Variants in PTPRD observed in about 807,000 individuals in gnomAD.
The protein encoded by PTPRD is receptor-type tyrosine-protein phosphatase delta.
PTPRD carries 34 observed loss-of-function variants against 214.5 expected under a neutral mutation model. The ratio of observed to expected loss-of-function variants is 0.16; its 90% confidence interval spans 0.12 to 0.21. PTPRD has a LOEUF of 0.21. Among genes scored for constraint, PTPRD ranks in the 10% least tolerant of loss-of-function variants. The pLI is 1.00. For synonymous variants in PTPRD, 1,128 were observed against 845.7 expected, an observed-to-expected ratio of 1.33 and a Z score of -5.79; for missense variants, 2,545 against 2,398.7, an observed-to-expected ratio of 1.06 and a Z score of -1.27.
intron 5 of PTPRD, among the ~76,000 whole-genome samples, chr9:9,896,906 T>C (rs1039142654): frequency 2.6e-5 from 4 of 152,022 alleles, no homozygotes; most frequent in African/African-American, 7.2e-5. Context: ...ATAATAAAAA[T>C]TGATGAGTGA....
chr9:9,903,345 A>C (rs1036331646), intron 5 of PTPRD, among the ~76,000 whole-genome samples: 3 of 152,154 alleles, frequency 2.0e-5, no homozygotes, highest in Admixed American at 6.6e-5. Flanking sequence ...TAGCACTCTA[A>C]CAAAAATTGT....
intron 3 of PTPRD, among the ~76,000 whole-genome samples, chr9:10,301,103 G>A (rs1187198940): frequency 6.6e-6 from 1 of 152,140 alleles, no homozygotes. Context: ...TGCAGTCTCT[G>A]CTGGTGATAC....
chr9:9,701,806 A>T (rs527275123), intron 7 of PTPRD, among the ~76,000 whole-genome samples: 1 of 152,250 alleles, frequency 6.6e-6, no homozygotes, highest in East Asian at 1.9e-4. Flanking sequence ...TTTCTATATA[A>T]ACTGATAAGC....
rs80306815 is a variant in PTPRD at position 9,672,107 on chromosome 9, C to G, written c.-287+62426G>C. On this transcript the variant is annotated intron_variant, in intron 7 of 45. Coordinates refer to ENST00000381196, the MANE Select transcript of PTPRD (RefSeq NM_002839.4). ...ATTGAACTAATCACTATAGTAGGGG[C>G]AATGCATTTATTAAGGAGTCTGCAG... Among the ~76,000 whole-genome samples the G allele has an allele frequency of 7.4e-3, 1,125 of 152,166 alleles. 45 individuals are homozygous for G. In the East Asian group the frequency reaches 0.08, roughly 11 times the overall value.
intron 7 of PTPRD, among the ~76,000 whole-genome samples, chr9:9,612,721 A>T (rs953416911): frequency 6.6e-6 from 1 of 151,254 alleles, no homozygotes; most frequent in Non-Finnish European, 1.5e-5. Context: ...GAGCCAAAAG[A>T]AAAAAAAAGG....
chr9:10,448,560 A>C (rs2098815399), intron 2 of PTPRD, among the ~76,000 whole-genome samples: 1 of 152,050 alleles, frequency 6.6e-6, no homozygotes, highest in South Asian at 2.1e-4. Flanking sequence ...GAACACCTTA[A>C]ATATACCTTA....
At chr9:8,634,485 G>C (rs958502505) in intron 13 of PTPRD, among the ~76,000 whole-genome samples, 1 of 151,972 alleles carries the variant, frequency 6.6e-6, no homozygotes, top group African/African-American at 2.4e-5. Context: ...AACACAGAGA[G>C]GAAGGACATT....
intron 10 of PTPRD, among the ~76,000 whole-genome samples, chr9:9,150,959 A>G (rs1438985394): frequency 6.6e-6 from 1 of 152,230 alleles, no homozygotes; most frequent in African/African-American, 2.4e-5. Flanking sequence ...AGATAGAAGT[A>G]CCTGCTGAAT....
intron 10 of PTPRD, among the ~76,000 whole-genome samples, chr9:9,118,336 G>C (rs949141657): frequency 1.3e-5 from 2 of 152,138 alleles, no homozygotes; most frequent in African/African-American, 4.8e-5. Context: ...CAAGCGGAGT[G>C]AACAGATATG....
At chr9:9,534,760 T>G (rs1339795275) in intron 8 of PTPRD, among the ~76,000 whole-genome samples, 1 of 151,654 alleles carries the variant, frequency 6.6e-6, no homozygotes, top group African/African-American at 2.4e-5. Flanking sequence ...TACATAGTCA[T>G]GCAGGACCAC....
chr9:8,972,834 A>G (rs1041081185), intron 11 of PTPRD, among the ~76,000 whole-genome samples: 11 of 151,974 alleles, frequency 7.2e-5, no homozygotes, highest in African/African-American at 2.4e-4. Context: ...AGACATAAAT[A>G]TGTGCCATAG....
At chr9:9,561,675 C>T (rs147813530) in intron 8 of PTPRD, among the ~76,000 whole-genome samples, 150 of 152,268 alleles carry the variant, frequency 9.9e-4, no homozygotes, top group African/African-American at 3.5e-3. Flanking sequence ...TCTTACTTTC[C>T]AAACAAAAGA....
At chr9:9,935,312 A>T (rs188787613) in intron 5 of PTPRD, among the ~76,000 whole-genome samples, 1 of 152,178 alleles carries the variant, frequency 6.6e-6, no homozygotes, top group East Asian at 1.9e-4. Flanking sequence ...ACATGATTGT[A>T]TATCTAGAAA....
At chr9:8,899,244 C>T (rs115527883) in intron 11 of PTPRD, among the ~76,000 whole-genome samples, 3 of 152,214 alleles carry the variant, frequency 2.0e-5, no homozygotes, top group Admixed American at 2.0e-4. Context: ...GGTCCCTCAA[C>T]TGGCATTTCT....
chr9:10,588,197 G>A (rs371844522), intron 2 of PTPRD, among the ~76,000 whole-genome samples: 1 of 152,014 alleles, frequency 6.6e-6, no homozygotes, highest in African/African-American at 2.4e-5. Context: ...TCAAAGAGAT[G>A]TCAATGACAA....
intron 10 of PTPRD, among the ~76,000 whole-genome samples, chr9:9,164,658 G>GGT (rs1317039189): frequency 1.3e-5 from 2 of 152,022 alleles, no homozygotes; most frequent in Non-Finnish European, 2.9e-5. Flanking sequence ...ACCTCTGAGA[G>GGT]GTGTTCAATA....
chr9:9,282,061 AT>A (rs1400538978), intron 9 of PTPRD, among the ~76,000 whole-genome samples: 1 of 151,230 alleles, frequency 6.6e-6, no homozygotes, highest in African/African-American at 2.4e-5. Flanking sequence ...GAGACAAAGT[AT>A]GAAAATAGTA....
intron 10 of PTPRD, among the ~76,000 whole-genome samples, chr9:9,134,175 C>T (rs1273409087): frequency 7.0e-6 from 1 of 143,124 alleles, no homozygotes; most frequent in African/African-American, 2.8e-5. Context: ...CGGGTTCACG[C>T]CATTCTCCTG....
chr9:9,678,576 G>A (rs577085704), intron 7 of PTPRD, among the ~76,000 whole-genome samples: 4 of 151,858 alleles, frequency 2.6e-5, no homozygotes, highest in Non-Finnish European at 5.9e-5. Context: ...AAAAATTATA[G>A]TGAACATCAT....
Sources: allele counts gnomAD v4.1 joint callset (sites outside exome capture counted in the v4.1 genomes callset), GRCh38; gene constraint gnomAD v4.1.1; transcripts MANE v1.5; gene names NCBI Gene and HGNC (gene_info 2026-07-23, HGNC 2026-07-21).